Variants in PTPRQ observed in about 807,000 individuals in gnomAD.
The protein encoded by PTPRQ is phosphatidylinositol phosphatase PTPRQ.
In PTPRQ, 199 loss-of-function variants were observed where a neutral mutation model predicts 246.0. That is an observed-to-expected ratio of 0.81 (90% confidence interval 0.72 to 0.91). The LOEUF is 0.91. Among genes scored for constraint, PTPRQ ranks in the 40% least tolerant of loss-of-function variants. The probability of loss-of-function intolerance (pLI) is 0.00; values close to 1 mark genes in which losing one functional copy is unlikely to be tolerated. For synonymous variants in PTPRQ, 869 were observed against 853.2 expected (o/e 1.02, Z -0.32); for missense variants, 2,624 against 2,528.4 (o/e 1.04, Z -0.81).
chr12:80,503,594 GAAAGA>G (rs1894867284), intron 14 of PTPRQ, among the ~76,000 whole-genome samples: 1 of 151,496 alleles, frequency 6.6e-6, no homozygotes, highest in African/African-American at 2.4e-5. Flanking sequence ...TCTTTCATTT[GAAAGA>G]AAAGAGTTTT....
At chr12:80,485,525 A>G (rs960039132) in intron 9 of PTPRQ, among the ~76,000 whole-genome samples, 5 of 152,034 alleles carry the variant, frequency 3.3e-5, no homozygotes, top group Admixed American at 3.3e-4. Flanking sequence ...GCCTTCCTCT[A>G]TTTCTGGCAC....
chr12:80,485,502 A>G (rs1894244525), intron 9 of PTPRQ, among the ~76,000 whole-genome samples: 2 of 152,070 alleles, frequency 1.3e-5, no homozygotes, highest in Admixed American at 6.6e-5. Flanking sequence ...CTTTCATTCT[A>G]TTTCTAGTCC....
chr12:80,592,796 G>A (rs920995018), intron 26 of PTPRQ, among the ~76,000 whole-genome samples: 55 of 152,046 alleles, frequency 3.6e-4, no homozygotes, highest in African/African-American at 1.2e-3. Context: ...GATCATTTGA[G>A]GTCAGGAATT....
chr12:80,532,147 AAAT>A (rs1281342445), intron 17 of PTPRQ, among the ~76,000 whole-genome samples: 2 of 152,148 alleles, frequency 1.3e-5, no homozygotes, highest in Admixed American at 6.5e-5. Flanking sequence ...ACATTTTTGA[AAAT>A]AATTTTTAAA....
chr12:80,673,231 A>G lies in PTPRQ; in HGVS notation c.6665A>G (p.Asp2222Gly). Reference protein sequence around the residue: ...ALDHLTQHINDHDFVDIYGLV... With the variant: ...ALDHLTQHINGHDFVDIYGLV... ...GACCATTTAACACAACATATAAATG[A>G]CCATGATTTTGTGGATATATATGGA... Residue 2222 changes from aspartate (D) to glycine (G), a missense_variant, in exon 43 of 45, where the codon GAC (aspartate) becomes GGC (glycine). Asp to Gly is a moderately conservative substitution (Grantham distance 94). Transcript: ENST00000644991. 6.4e-6 allele frequency: 10 copies of G among 1,551,002 alleles called. No homozygotes were observed. The highest frequency in any genetic ancestry group is 8.7e-6 in the Non-Finnish European group (10 of 1,146,484).
Position 80,652,834 on chromosome 12 carries a change from T to G in PTPRQ, c.6115T>G (p.Tyr2039Asp). The G allele has an allele frequency of 6.7e-7, 1 of 1,491,164 alleles. No homozygotes were observed. Among genetic ancestry groups the G allele is most frequent in the Non-Finnish European group, 8.9e-7 (1 of 1,121,058 alleles). 92.4% of individuals were successfully genotyped at this position (1,491,164 alleles called of 1,614,324 possible). A position where few individuals can be genotyped will look rare whatever the true frequency, so the allele number is the denominator to read the frequency against. The change falls in exon 38 of 45, where the codon TAT becomes GAT. Residue 2039 changes from tyrosine to aspartate, a missense_variant and splice_region_variant. Tyr to Asp is a radical substitution (Grantham distance 160). Coordinates refer to ENST00000644991, the MANE Select transcript of PTPRQ (RefSeq NM_001145026.2). ...AAACCGCTTCCCAAACATAAAACCATGTATGTGCATTTGTTGGTTTTGGTT... is the reference window on the plus strand; with the variant it reads ...AAACCGCTTCCCAAACATAAAACCAGGTATGTGCATTTGTTGGTTTTGGTT... ...AKNRFPNIKP[Y>D]NNNRVKLIAD...
At chr12:80,641,169 A>T (rs1899842458) in intron 35 of PTPRQ, among the ~76,000 whole-genome samples, 1 of 152,024 alleles carries the variant, frequency 6.6e-6, no homozygotes, top group South Asian at 2.1e-4. Context: ...GCTTCCAGGC[A>T]CTCCCCTGAT....
intron 25 of PTPRQ, among the ~76,000 whole-genome samples, chr12:80,561,974 A>G (rs959943023): frequency 6.6e-6 from 1 of 152,012 alleles, no homozygotes; most frequent in Non-Finnish European, 1.5e-5. Context: ...GAGAATTTTT[A>G]TCTTAAATGG....
intron 25 of PTPRQ, among the ~76,000 whole-genome samples, chr12:80,562,739 A>C (rs1261795683): frequency 1.3e-5 from 2 of 152,204 alleles, no homozygotes; most frequent in African/African-American, 2.4e-5. Context: ...AAAGGCAGAG[A>C]ATCCAAACCA....
intron 30 of PTPRQ, among the ~76,000 whole-genome samples, chr12:80,618,413 TAA>T (rs1898850062): frequency 6.8e-6 from 1 of 147,858 alleles, no homozygotes; most frequent in African/African-American, 2.5e-5. Flanking sequence ...CAGTGAGCTA[TAA>T]GACCAAATGA....
At chr12:80,617,154 T>C (rs1197844450) in intron 30 of PTPRQ, among the ~76,000 whole-genome samples, 1 of 151,194 alleles carries the variant, frequency 6.6e-6, no homozygotes, top group Non-Finnish European at 1.5e-5. Flanking sequence ...CCACTTGATA[T>C]CTATTTGACT....
At chr12:80,472,401 T>C (rs1893668986) in intron 8 of PTPRQ, 150 bp downstream of exon 8, 11 of 1,188,700 alleles carry the variant, frequency 9.3e-6, no homozygotes, top group Non-Finnish European at 1.3e-5. Context: ...TCTGAACATG[T>C]GTTCTCCAGA....
chr12:80,539,964 T>C lies in PTPRQ; in HGVS notation c.3154+20T>C, dbSNP rs536222913. On this transcript the variant is annotated intron_variant, in intron 20 of 44. Coordinates refer to ENST00000644991, the MANE Select transcript of PTPRQ (RefSeq NM_001145026.2). Reference sequence around the variant, plus strand: ...AAGACAGTATGTAAACAAAAAACACTAATCTTTAATATGATTAATTTAAAA... The same window carrying C: ...AAGACAGTATGTAAACAAAAAACACCAATCTTTAATATGATTAATTTAAAA... 90 of 1,426,004 alleles carry C rather than the reference T, an allele frequency of 6.3e-5. No homozygotes were observed. The highest frequency in any genetic ancestry group is 8.3e-5 in the Non-Finnish European group (90 of 1,082,098). 88.3% of individuals were successfully genotyped at this position (1,426,004 alleles called of 1,614,324 possible).
At chr12:80,449,356 C>T (rs1892667194) in intron 3 of PTPRQ, among the ~76,000 whole-genome samples, 1 of 152,104 alleles carries the variant, frequency 6.6e-6, no homozygotes, top group Non-Finnish European at 1.5e-5. Context: ...GTTTCTTTTG[C>T]TGTGCAGAAG....
At chr12:80,642,272 G>C (rs561392386) in intron 35 of PTPRQ, among the ~76,000 whole-genome samples, 115 of 152,222 alleles carry the variant, frequency 7.6e-4, no homozygotes, top group Admixed American at 1.4e-3. Flanking sequence ...CTTATTTTTA[G>C]CTGGTATAAT....
chr12:80,646,828 G>C (rs1008837663), intron 35 of PTPRQ, among the ~76,000 whole-genome samples: 1 of 152,020 alleles, frequency 6.6e-6, no homozygotes, highest in Non-Finnish European at 1.5e-5. Context: ...TTTTGGTAGA[G>C]TTTTTCACTG....
chr12:80,615,638 A>G (rs955787735), intron 29 of PTPRQ, among the ~76,000 whole-genome samples: 2 of 151,208 alleles, frequency 1.3e-5, no homozygotes, highest in East Asian at 3.9e-4. Context: ...GGGGTGAAGA[A>G]GGGCATAAAG....
chr12:80,630,379 G>T (rs886974468), intron 33 of PTPRQ, among the ~76,000 whole-genome samples: 1 of 151,928 alleles, frequency 6.6e-6, no homozygotes, highest in African/African-American at 2.4e-5. Flanking sequence ...TTATAAATTA[G>T]AAATAAGATC....
Position 80,496,485 on chromosome 12 carries a change from T to C in PTPRQ, c.2226T>C (p.His742=), listed in dbSNP as rs1431917194. The C allele has an allele frequency of 3.2e-6, 5 of 1,550,388 alleles. No homozygotes were observed. The highest frequency in any genetic ancestry group is 4.9e-5 in the East Asian group (2 of 40,868). The change falls in exon 14 of 45, where the codon CAT becomes CAC. Residue 742 remains histidine (H), a synonymous_variant. Transcript: ENST00000644991. ...ISVRSYTRFG[H]GNQVSSLLSV... is the part of the protein sequence containing the mutation. ...TAAGGTCTTACACCAGATTTGGTCATGGCAATCAGGTATCTTCTTTACTCT... is the reference window on the plus strand; with the variant it reads ...TAAGGTCTTACACCAGATTTGGTCACGGCAATCAGGTATCTTCTTTACTCT...
Sources: allele counts gnomAD v4.1 joint callset (sites outside exome capture counted in the v4.1 genomes callset), GRCh38; gene constraint gnomAD v4.1.1; transcripts MANE v1.5; gene names NCBI Gene and HGNC (gene_info 2026-07-23, HGNC 2026-07-21).